Variants in NCF4 observed in about 807,000 individuals in gnomAD.
NCF4 encodes neutrophil cytosol factor 4.
A neutral mutation model predicts 41.7 loss-of-function variants in NCF4; 30 were observed. The observed-to-expected ratio is 0.72, with a 90% CI of 0.54 to 0.97. NCF4 has a LOEUF of 0.97. Among genes scored for constraint, NCF4 ranks in the 50% least tolerant of loss-of-function variants. The pLI is 0.00. For synonymous variants in NCF4, 195 were observed against 175.8 expected (o/e 1.11, Z -0.87); for missense variants, 432 against 460.9 (o/e 0.94, Z 0.57).
chr22:36,871,773 C>T (rs966155523), intron 6 of NCF4, 64 bp downstream of exon 6: 26 of 1,504,782 alleles, frequency 1.7e-5, no homozygotes, highest in Non-Finnish European at 2.4e-5. Flanking sequence ...GCCCACCTGC[C>T]AGCCACTGGG....
chr22:36,870,384 C>T (rs1289474768), intron 4 of NCF4, 31 bp from the exon 5 acceptor site: 1 of 1,613,248 alleles, frequency 6.2e-7, no homozygotes, highest in Non-Finnish European at 8.5e-7. Flanking sequence ...CTGCTGACTA[C>T]CCCACCGGTT....
Position 36,861,106 on chromosome 22 carries a change from A to G in NCF4, c.-66A>G. On this transcript the variant is annotated 5_prime_UTR_variant, in exon 1 of 10. Transcript: ENST00000248899. ...ACGCAGGGTGGCTGGAGGAAGTGAG[A>G]GGTGAACTCAGCCTGGGACTGGCTG... The G allele has an allele frequency of 6.5e-7, 1 of 1,543,108 alleles. No individual in the cohort carries two copies. The highest frequency in any genetic ancestry group is 8.8e-7 in the Non-Finnish European group (1 of 1,139,624).
rs35160112 is a variant in NCF4, at chr22:36,870,530, G to A, written c.458G>A (p.Arg153His). 196 of 1,612,222 alleles carry A rather than the reference G, an allele frequency of 1.2e-4. No homozygotes were observed. Among genetic ancestry groups the A allele is most frequent in the African/African-American group, 1.0e-3 (76 of 75,048 alleles). ...CAGGCACTCCGCCGGCTCCGCCCGC[G>A]CACCCGGAAAGTGTAAGTGACCAGC... The part of the protein sequence containing the change: ...VPQALRRLRP[R>H]TRKVKSVSPQ... The change falls in exon 5 of 10, where the codon CGC becomes CAC. Residue 153 changes from arginine (R) to histidine (H), a missense_variant. Arg to His is a conservative substitution (Grantham distance 29). Transcript: ENST00000248899.
rs750147229 is a variant in NCF4 at position 36,877,666 on chromosome 22, G to A, written c.863G>A (p.Arg288Gln). 11 of 1,614,120 alleles carry A rather than the reference G, an allele frequency of 6.8e-6. No homozygotes were observed. The highest frequency in any genetic ancestry group is 6.7e-5 in the East Asian group (3 of 44,882). Residue 288 changes from arginine (R) to glutamine (Q), a missense_variant, in exon 10 of 10, where the codon CGG becomes CAG. Coordinates refer to ENST00000248899, the MANE Select transcript of NCF4 (RefSeq NM_000631.5). The part of the protein sequence containing the change: ...FQREDIALNY[R>Q]DAEGDLVRLL... ...AGAGAGGACATAGCTCTGAATTACCGGGACGCTGAGGGGGATCTGGTTCGG... is the reference window on the plus strand; with the variant it reads ...AGAGAGGACATAGCTCTGAATTACCAGGACGCTGAGGGGGATCTGGTTCGG...
chr22:36,871,604 G>T, intron 5 of NCF4, 48 bp from the exon 6 acceptor site: 1 of 1,545,884 alleles, frequency 6.5e-7, no homozygotes, highest in South Asian at 1.2e-5. Flanking sequence ...AGGAAGCTGG[G>T]CCCTGAGAGA....
chr22:36,870,109 C>T lies in NCF4; in HGVS notation c.343-306C>T, dbSNP rs1200207253. 3.3e-5 allele frequency: 14 copies of T among 426,418 alleles called. No individual in the cohort carries two copies. The East Asian group carries it at 3.6e-4, about 11-fold the overall frequency. 26.4% of individuals were successfully genotyped at this position (426,418 alleles called of 1,614,324 possible). On this transcript the variant is annotated intron_variant, in intron 4 of 9. Transcript: ENST00000248899. ...GATACCCACCTGGTAAAGTCACCGC[C>T]GGGTCATGTTAGTTGTCATCACCAT... is the stretch of plus-strand genomic sequence containing the variant.
Position 36,876,068 on chromosome 22 carries a change from A to G in NCF4, c.798A>G (p.Leu266=), listed in dbSNP as rs752651381. Residue 266 remains leucine, a synonymous_variant, in exon 9 of 10, where the codon CTA becomes CTG. Transcript: ENST00000248899. ...AGGAAGATCTCAGCAGCACTCCCCT[A>G]TTGAAAGACCTGCTGGAGCTCACAA... ...AVEEDLSSTP[L]LKDLLELTRR... is the part of the protein sequence containing the mutation. The G allele has an allele frequency of 2.7e-5, 44 of 1,610,454 alleles. No individual in the cohort carries two copies. The highest frequency in any genetic ancestry group is 3.2e-5 in the Non-Finnish European group (38 of 1,177,598).
At chr22:36,871,120 C>A (rs34023794) in intron 5 of NCF4, among the ~76,000 whole-genome samples, 9,685 of 152,266 alleles carry the variant, frequency 0.064, 355 homozygotes, top group Middle Eastern at 0.13. Flanking sequence ...CCTGAGCTCC[C>A]CACCAGCTCC....
chr22:36,863,911 G>A, intron 1 of NCF4, 134 bp from the exon 2 acceptor site: 1 of 843,714 alleles, frequency 1.2e-6, no homozygotes, highest in Non-Finnish European at 2.1e-6. Flanking sequence ...GCTGGACCTG[G>A]CCTGGGAAGG....
chr22:36,865,079 G>A lies in NCF4; in HGVS notation c.271+7G>A, dbSNP rs201881905. 2,852 of 1,608,110 alleles carry A rather than the reference G, an allele frequency of 1.8e-3. 7 individuals carry two copies. Among genetic ancestry groups the A allele is most frequent in the Non-Finnish European group, 2.0e-3 (2,304 of 1,179,906 alleles). On this transcript the variant is annotated splice_region_variant and intron_variant, in intron 3 of 9. Transcript: ENST00000248899. This position sits in a 1 kb window ranked among gnomAD's most constrained non-coding sequence, Gnocchi z 4.3. ...ACCCTGCCCACACTCCCAGGTAGGCGGCCACTCCCGTCCTGCTGCTGCAGA... is the reference window on the plus strand; with the variant it reads ...ACCCTGCCCACACTCCCAGGTAGGCAGCCACTCCCGTCCTGCTGCTGCAGA...
chr22:36,864,183 GACCTCTGA>G, intron 2 of NCF4, 54 bp downstream of exon 2: 1 of 1,386,564 alleles, frequency 7.2e-7, no homozygotes, highest in Non-Finnish European at 9.7e-7. Flanking sequence ...CCACCCAGCT[GACCTCTGA>G]ACCTTGCCCT....
chr22:36,871,530 T>C, intron 5 of NCF4, 122 bp from the exon 6 acceptor site: 3 of 1,116,772 alleles, frequency 2.7e-6, no homozygotes, highest in Non-Finnish European at 2.7e-6. Context: ...CAGCCACATT[T>C]CAGCATCTTC....
chr22:36,861,131 G>T lies in NCF4; in HGVS notation c.-41G>T, dbSNP rs1004799091. 14 of 1,551,014 alleles carry T rather than the reference G, an allele frequency of 9.0e-6. No individual in the cohort carries two copies. Among genetic ancestry groups the T allele is most frequent in the Non-Finnish European group, 1.2e-5 (14 of 1,146,630 alleles). ...AGGTGAACTCAGCCTGGGACTGGCT[G>T]GGCGAGACTCTCCACCTGCTCCCTG... On this transcript the variant is annotated 5_prime_UTR_variant, in exon 1 of 10. Transcript: ENST00000248899.
Position 36,876,019 on chromosome 22 carries a change from A to C in NCF4, c.759-10A>C, listed in dbSNP as rs746820593. The C allele has an allele frequency of 8.1e-6, 13 of 1,612,812 alleles. No homozygotes were observed. The highest frequency in any genetic ancestry group is 1.1e-5 in the Non-Finnish European group (13 of 1,179,622). On this transcript the variant is annotated splice_polypyrimidine_tract_variant and intron_variant, in intron 8 of 9. Coordinates refer to ENST00000248899, the MANE Select transcript of NCF4 (RefSeq NM_000631.5). ...TGATGCCTCCTTACTCCAGCCTGTC[A>C]CCCCCTTAGGGACATCGCGGTGGAG...
In NCF4 at chr22:36,864,132, A is replaced by C. The variant is rs745817682; in HGVS notation, c.117+3A>C. 3 of 1,609,930 alleles carry C rather than the reference A, an allele frequency of 1.9e-6. No individual in the cohort carries two copies. The highest frequency in any genetic ancestry group is 2.6e-6 in the Non-Finnish European group (3 of 1,176,274). On this transcript the variant is annotated splice_donor_region_variant and intron_variant, in intron 2 of 9. Coordinates refer to ENST00000248899, the MANE Select transcript of NCF4 (RefSeq NM_000631.5). ...AGAGAGGCTTCACCAGCCACTTTGT[A>C]AGACAGACTCCTAGTCCTTCACCCA... is the stretch of plus-strand genomic sequence containing the variant.
Position 36,864,081 on chromosome 22 carries a change from G to T in NCF4, c.69G>T (p.Ser23=), listed in dbSNP as rs10854695. 1 of 1,613,860 alleles carries T rather than the reference G, an allele frequency of 6.2e-7. No individual in the cohort carries two copies. The highest frequency in any genetic ancestry group is 1.7e-5 in the Admixed American group (1 of 59,990). ...FEQLPDDVAI[S]ANIADIEEKR... The stretch of plus-strand genomic sequence containing the variant: ...AGCTTCCGGATGATGTTGCCATCTC[G>T]GCCAACATTGCTGACATCGAGGAGA... The change falls in exon 2 of 10, where the codon TCG becomes TCT. Residue 23 remains serine (S), a synonymous_variant. Coordinates refer to ENST00000248899, the MANE Select transcript of NCF4 (RefSeq NM_000631.5).
intron 4 of NCF4, among the ~76,000 whole-genome samples, chr22:36,867,814 C>T (rs1461862864): frequency 6.6e-6 from 1 of 152,176 alleles, no homozygotes; most frequent in Non-Finnish European, 1.5e-5. Context: ...TATGGGAATG[C>T]CAACAGGTGG....
At chr22:36,864,223 CT>C in intron 2 of NCF4, 94 bp downstream of exon 2, 1 of 1,059,452 alleles carries the variant, frequency 9.4e-7, no homozygotes, top group Non-Finnish European at 1.5e-6. Context: ...ACCTCCAATT[CT>C]CTGATCTCTT....
rs112813037 is a variant in NCF4 at position 36,872,076 on chromosome 22, A to G, written c.529-251A>G. On this transcript the variant is annotated intron_variant, in intron 6 of 9. Transcript: ENST00000248899. ...GGACCAGGGTGGGTGCTCAGCCCAGAGAGTTCGAACCCTTCCCTGTGTGCT... is the reference window on the plus strand; with the variant it reads ...GGACCAGGGTGGGTGCTCAGCCCAGGGAGTTCGAACCCTTCCCTGTGTGCT... 262 of 702,366 alleles carry G rather than the reference A, an allele frequency of 3.7e-4. 3 individuals are homozygous for G. The African/African-American group carries it at 4.1e-3, about 11-fold the overall frequency. The allele number at this position is 702,366 out of a possible 1,614,324, so 43.5% of individuals were successfully genotyped here. A position where few individuals can be genotyped will look rare whatever the true frequency, so the allele number is the denominator to read the frequency against.
Sources: gnomAD v4.1 joint callset for allele counts (sites outside exome capture counted in the v4.1 genomes callset) on GRCh38, gnomAD v4.1.1 for gene constraint, Gnocchi (gnomAD v3.1) non-coding constraint, MANE v1.5 for transcripts, NCBI Gene and HGNC (gene_info 2026-07-23, HGNC 2026-07-21) for gene names.